PTPN13: variants seen among roughly 807,000 people sequenced by gnomAD.
PTPN13 encodes the protein tyrosine-protein phosphatase non-receptor type 13.
PTPN13 carries 191 observed loss-of-function variants against 284.0 expected under a neutral mutation model. That is an observed-to-expected ratio of 0.67 (90% CI 0.60 to 0.76). PTPN13 has a LOEUF of 0.76. Among genes scored for constraint, PTPN13 ranks in the 30% least tolerant of loss-of-function variants. PTPN13 has a pLI of 0.00. For synonymous variants in PTPN13, 986 were observed against 1,022.3 expected, an observed-to-expected ratio of 0.96 and a Z score of 0.68; for missense variants, 2,797 against 2,939.9, an observed-to-expected ratio of 0.95 and a Z score of 1.12.
At position 86,775,307 on chromosome 4, in the gene PTPN13, C is replaced by T. The variant is rs1272140271; in HGVS notation, c.5645C>T (p.Pro1882Leu). The change falls in exon 34 of 48, where the codon CCG (proline) becomes CTG (leucine). Residue 1882 changes from proline to leucine, a missense_variant. Transcript: ENST00000411767. ...ATACCAATGTTGCCTCATTTGCTAC[C>T]GGACATAACACTAACGTGCAACAAA... ...PRIPMLPHLL[P>L]DITLTCNKEE... 9 of 1,612,662 alleles carry T rather than the reference C, an allele frequency of 5.6e-6. No individual in the cohort carries two copies. The highest frequency in any genetic ancestry group is 7.6e-6 in the Non-Finnish European group (9 of 1,179,444).
intron 35 of PTPN13, among the ~76,000 whole-genome samples, chr4:86,777,104 A>T (rs1578645420): frequency 6.6e-6 from 1 of 152,250 alleles, no homozygotes; most frequent in Non-Finnish European, 1.5e-5. Flanking sequence ...GAGAAAATGT[A>T]TTAGTTTCCT....
intron 9 of PTPN13, among the ~76,000 whole-genome samples, chr4:86,721,008 C>T (rs1469014432): frequency 6.6e-6 from 1 of 151,924 alleles, no homozygotes; most frequent in African/African-American, 2.4e-5. Flanking sequence ...GTAGTACATT[C>T]CCACTGCTTC....
chr4:86,771,981 A>G (rs536640551), intron 31 of PTPN13, among the ~76,000 whole-genome samples: 40 of 152,326 alleles, frequency 2.6e-4, no homozygotes, highest in African/African-American at 9.4e-4. Context: ...GAAGGACTAC[A>G]TCAATACATT....
intron 27 of PTPN13, among the ~76,000 whole-genome samples, chr4:86,766,885 G>A (rs1019157734): frequency 6.6e-6 from 1 of 152,108 alleles, no homozygotes; most frequent in African/African-American, 2.4e-5. Flanking sequence ...TTTGAGTTAG[G>A]GAGTTTAACC....
At chr4:86,705,608 C>T (rs1333261815) in intron 7 of PTPN13, among the ~76,000 whole-genome samples, 1 of 151,664 alleles carries the variant, frequency 6.6e-6, no homozygotes, top group African/African-American at 2.4e-5. Context: ...TTTTTGTGAT[C>T]TTTAAATTTG....
rs1444992719 is a variant in PTPN13 at position 86,796,870 on chromosome 4, G to A, written c.6346-4G>A. On this transcript the variant is annotated splice_region_variant and splice_polypyrimidine_tract_variant and intron_variant, in intron 40 of 47. Coordinates refer to ENST00000411767, the MANE Select transcript of PTPN13 (RefSeq NM_080683.3). ...GATTTGATTCTTATATATTTTTATT[G>A]TAGGCCACCAAAATGAATGGCTGTG... The A allele has an allele frequency of 1.4e-6, 2 of 1,471,372 alleles. No individual in the cohort carries two copies. The highest frequency in any genetic ancestry group is 1.4e-5 in the African/African-American group (1 of 71,350). 91.1% of individuals were successfully genotyped at this position (1,471,372 alleles called of 1,614,324 possible).
intron 1 of PTPN13, among the ~76,000 whole-genome samples, chr4:86,612,848 A>G (rs1029675840): frequency 1.3e-5 from 2 of 152,252 alleles, no homozygotes; most frequent in Non-Finnish European, 2.9e-5. Context: ...CTGTCAGCCT[A>G]AAATTTCTAC....
chr4:86,807,510 T>C (rs1347949986), intron 44 of PTPN13, 50 bp from the exon 45 acceptor site: 6 of 1,408,962 alleles, frequency 4.3e-6, no homozygotes, highest in Non-Finnish European at 5.8e-6. Flanking sequence ...AAGACTCTTG[T>C]TTAAAATGCA....
In PTPN13 at chr4:86,712,912, G is replaced by A. The variant is rs576871137; in HGVS notation, c.1196-3618G>A. On this transcript the variant is annotated intron_variant, in intron 7 of 47. Transcript: ENST00000411767. ...AAATAAAACATAGGGTAGTAGTAAG[G>A]GTGAGGAAATATGGATATGTGAAAC... Among the ~76,000 whole-genome samples, 36 of 152,062 alleles carry A rather than the reference G, an allele frequency of 2.4e-4. 1 individual carries two copies. The South Asian group carries it at 7.3e-3, about 31-fold the overall frequency.
At chr4:86,597,766 GAGA>G (rs753392914) in intron 1 of PTPN13, among the ~76,000 whole-genome samples, 1 of 152,170 alleles carries the variant, frequency 6.6e-6, no homozygotes, top group Admixed American at 6.5e-5. Context: ...AGGATAAAAA[GAGA>G]AGAATTCCTA....
At chr4:86,681,030 A>G (rs766798897) in intron 3 of PTPN13, among the ~76,000 whole-genome samples, 1 of 152,100 alleles carries the variant, frequency 6.6e-6, no homozygotes. Context: ...GATTTTGATG[A>G]TGGTGATGAT....
At chr4:86,777,974 A>G (rs1479610589) in intron 35 of PTPN13, among the ~76,000 whole-genome samples, 1 of 152,222 alleles carries the variant, frequency 6.6e-6, no homozygotes, top group East Asian at 1.9e-4. Flanking sequence ...CCTCAAAATT[A>G]GTAGAGCACT....
chr4:86,768,706 C>T (rs182088459), intron 28 of PTPN13, among the ~76,000 whole-genome samples: 2 of 149,328 alleles, frequency 1.3e-5, no homozygotes, highest in East Asian at 3.9e-4. Context: ...TTATTTCTTC[C>T]ATCTTTTTTT....
intron 40 of PTPN13, among the ~76,000 whole-genome samples, chr4:86,787,394 A>T (rs1578671590): frequency 1.3e-5 from 2 of 151,986 alleles, no homozygotes; most frequent in South Asian, 4.1e-4. Context: ...GGAGTTCAAG[A>T]CCAGCCTGGC....
At chr4:86,806,168 A>T (rs1406408845) in intron 44 of PTPN13, among the ~76,000 whole-genome samples, 1 of 151,648 alleles carries the variant, frequency 6.6e-6, no homozygotes, top group Non-Finnish European at 1.5e-5. Context: ...AAAAAAAAAT[A>T]GGAAAAAAAA....
intron 23 of PTPN13, among the ~76,000 whole-genome samples, chr4:86,762,092 C>T (rs983453447): frequency 6.6e-6 from 1 of 152,178 alleles, no homozygotes; most frequent in African/African-American, 2.4e-5. Flanking sequence ...TCTGCCTCAG[C>T]CTCCCGAGCA....
chr4:86,716,014 T>G (rs1450762946), intron 7 of PTPN13, among the ~76,000 whole-genome samples: 1 of 152,248 alleles, frequency 6.6e-6, no homozygotes, highest in Non-Finnish European at 1.5e-5. Flanking sequence ...CTAAGCATTC[T>G]GTGTCAATAT....
intron 6 of PTPN13, 36 bp from the exon 7 acceptor site, chr4:86,701,205 A>C: frequency 7.0e-7 from 1 of 1,420,220 alleles, no homozygotes; most frequent in Non-Finnish European, 9.4e-7. Flanking sequence ...TTTTCTAAAA[A>C]TTGTGTGCAT....
intron 5 of PTPN13, among the ~76,000 whole-genome samples, chr4:86,691,927 T>C (rs898608799): frequency 6.6e-6 from 1 of 152,204 alleles, no homozygotes; most frequent in Admixed American, 6.5e-5. Flanking sequence ...GTTTTTCCAC[T>C]GATTTAATGT....
Sources: gnomAD v4.1 joint callset for allele counts (sites outside exome capture counted in the v4.1 genomes callset) on GRCh38, gnomAD v4.1.1 for gene constraint, MANE v1.5 for transcripts, NCBI Gene and HGNC (gene_info 2026-07-23, HGNC 2026-07-21) for gene names.